The following ZNF782 variants were observed in gnomAD, a reference collection of about 807,000 sequenced individuals.
ZNF782 encodes the protein zinc finger protein 782.
In ZNF782, 12 loss-of-function variants were observed where a neutral mutation model predicts 13.0. The ratio of observed to expected loss-of-function variants is 0.92; its 90% CI spans 0.59 to 1.50. The LOEUF is 1.50. Ranked by LOEUF, ZNF782 falls within the 40% of genes most tolerant of loss-of-function variation. The pLI is 0.00. For missense variants in ZNF782, 770 were observed against 822.9 expected (o/e 0.94, Z 0.79); for synonymous variants, 284 against 283.0 (o/e 1.00, Z -0.04).
chr9:96,881,542 G>GA, the ZNF782 span, among the ~76,000 whole-genome samples: 1 of 151,978 alleles, frequency 6.6e-6, no homozygotes, highest in Non-Finnish European at 1.5e-5. Flanking sequence ...TAAACCAATG[G>GA]AAAAAAATTA....
At chr9:96,848,050 T>C (rs1851387380) in intron 3 of ZNF782, among the ~76,000 whole-genome samples, 1 of 152,120 alleles carries the variant, frequency 6.6e-6, no homozygotes, top group African/African-American at 2.4e-5. Context: ...CATGTAAACA[T>C]AACTAAAAAC....
At chr9:96,831,066 T>C (rs1313040446) in intron 4 of ZNF782, among the ~76,000 whole-genome samples, 1 of 151,756 alleles carries the variant, frequency 6.6e-6, no homozygotes, top group Non-Finnish European at 1.5e-5. Flanking sequence ...TAACATAATA[T>C]CTAACAATTG....
chr9:96,845,886 A>G (rs182973534), intron 3 of ZNF782, among the ~76,000 whole-genome samples: 268 of 152,338 alleles, frequency 1.8e-3, no homozygotes, highest in African/African-American at 5.8e-3. Flanking sequence ...ATCTTCACCA[A>G]AGCATATAGT....
At position 96,837,232 on chromosome 9, in the gene ZNF782, T is replaced by C. The variant is rs182795406; in HGVS notation, c.142+7658A>G. ...TTACTTGGTGAATGGTACTAGACAC[T>C]ACTTACAGGTCTATTTGAGCTTTCT... is the stretch of plus-strand genomic sequence containing the variant. On this transcript the variant is annotated intron_variant, in intron 4 of 5. Coordinates refer to ENST00000481138, the MANE Select transcript of ZNF782 (RefSeq NM_001001662.3). Among the ~76,000 whole-genome samples, 10 of 152,354 alleles carry C rather than the reference T, an allele frequency of 6.6e-5. 1 individual carries two copies. Among genetic ancestry groups the C allele is most frequent in the African/African-American group, 2.4e-4 (10 of 41,582 alleles).
chr9:96,834,833 A>G (rs935097545), intron 4 of ZNF782, among the ~76,000 whole-genome samples: 3 of 152,192 alleles, frequency 2.0e-5, no homozygotes, highest in African/African-American at 7.2e-5. Flanking sequence ...GAACTGGGTA[A>G]TGGGTAGTGG....
intron 1 of ZNF782, among the ~76,000 whole-genome samples, chr9:96,862,783 C>T (rs909476749): frequency 1.7e-4 from 26 of 152,206 alleles, no homozygotes; most frequent in African/African-American, 5.5e-4. Context: ...CTACAGTTTT[C>T]GTCACTGTAT....
chr9:96,903,998 G>A, the ZNF782 span, among the ~76,000 whole-genome samples: 3 of 151,806 alleles, frequency 2.0e-5, no homozygotes, highest in Admixed American at 2.0e-4. Context: ...CACCAGAAAT[G>A]TGTGCAAGTT....
At chr9:96,903,756 G>A in the ZNF782 span, among the ~76,000 whole-genome samples, 3 of 151,240 alleles carry the variant, frequency 2.0e-5, no homozygotes, top group South Asian at 2.1e-4. Flanking sequence ...TAGAGAGGGG[G>A]TTTCACCGTG....
chr9:96,826,962 T>G, intron 5 of ZNF782, 118 bp downstream of exon 5: 1 of 648,480 alleles, frequency 1.5e-6, no homozygotes, highest in Non-Finnish European at 2.5e-6. Context: ...TCTCTGCTGA[T>G]TTTTGTTTGT....
chr9:96,826,981 A>G (rs1240367797), intron 5 of ZNF782, 99 bp downstream of exon 5: 1 of 720,310 alleles, frequency 1.4e-6, no homozygotes, highest in Admixed American at 3.3e-5. Context: ...GTATTTTTTC[A>G]GTGTATAAAT....
chr9:96,863,069 C>T (rs923386838), intron 1 of ZNF782, among the ~76,000 whole-genome samples: 4 of 152,134 alleles, frequency 2.6e-5, no homozygotes, highest in African/African-American at 9.7e-5. Flanking sequence ...CAAACAGTAG[C>T]AATGTTCATG....
the ZNF782 span, chr9:96,894,665 C>CCTTA: frequency 6.6e-6 from 1 of 152,164 alleles, no homozygotes; most frequent in South Asian, 2.1e-4. Flanking sequence ...AAAAAGTCAG[C>CCTTA]CTTACCATCC....
At chr9:96,872,224 A>G (rs903198619) in intron 1 of ZNF782, among the ~76,000 whole-genome samples, 8 of 152,228 alleles carry the variant, frequency 5.3e-5, no homozygotes, top group African/African-American at 1.9e-4. Context: ...AAAACCTAAT[A>G]AACTTTTAAT....
At chr9:96,894,717 C>T in the ZNF782 span, 1 of 151,966 alleles carries the variant, frequency 6.6e-6, no homozygotes, top group Non-Finnish European at 1.5e-5. Context: ...AGAGGACATG[C>T]TTTCTTTTTC....
chr9:96,929,241 G>A, the ZNF782 span, among the ~76,000 whole-genome samples: 1 of 152,154 alleles, frequency 6.6e-6, no homozygotes, highest in Admixed American at 6.5e-5. Flanking sequence ...GGCGGACCAA[G>A]ATGCCTGGGG....
chr9:96,917,344 T>G, the ZNF782 span, among the ~76,000 whole-genome samples: 2 of 151,244 alleles, frequency 1.3e-5, no homozygotes, highest in African/African-American at 4.9e-5. Context: ...TCAGGGATGT[T>G]TAGCAAGGCT....
At chr9:96,836,320 C>A (rs973012536) in intron 4 of ZNF782, among the ~76,000 whole-genome samples, 1 of 151,380 alleles carries the variant, frequency 6.6e-6, no homozygotes, top group African/African-American at 2.4e-5. Flanking sequence ...TCAAGCGCTT[C>A]TCCTGCCTCA....
the ZNF782 span, among the ~76,000 whole-genome samples, chr9:96,916,746 G>A: frequency 1.3e-5 from 2 of 151,082 alleles, no homozygotes; most frequent in African/African-American, 4.9e-5. Flanking sequence ...TGGTGAAGGG[G>A]GAAGGGAGGA....
chr9:96,900,718 G>A, the ZNF782 span, among the ~76,000 whole-genome samples: 1 of 152,280 alleles, frequency 6.6e-6, no homozygotes, highest in African/African-American at 2.4e-5. Flanking sequence ...TCCAGTCTGG[G>A]CAACAAGAGC....
Sources: gnomAD v4.1 joint callset for allele counts (sites outside exome capture counted in the v4.1 genomes callset) on GRCh38, gnomAD v4.1.1 for gene constraint, MANE v1.5 for transcripts, NCBI Gene and HGNC (gene_info 2026-07-23, HGNC 2026-07-21) for gene names.